BZW2: variants seen among roughly 807,000 people sequenced by gnomAD.
BZW2 encodes eIF5-mimic protein 1.
In BZW2, 23 loss-of-function variants were observed where a neutral mutation model predicts 53.2. The ratio of observed to expected loss-of-function variants is 0.43; its 90% confidence interval spans 0.31 to 0.61. BZW2 has a LOEUF of 0.61. Among genes scored for constraint, BZW2 ranks in the 20% least tolerant of loss-of-function variants. The pLI is 0.09. For missense variants in BZW2, 409 were observed against 503.1 expected (o/e 0.81, Z 1.79); for synonymous variants, 227 against 186.4 (o/e 1.22, Z -1.77).
chr7:16,690,871 G>C (rs1225252994), intron 7 of BZW2, among the ~76,000 whole-genome samples: 1 of 152,094 alleles, frequency 6.6e-6, no homozygotes, highest in Admixed American at 6.5e-5. Flanking sequence ...TCTCCAGGTG[G>C]AATTGCTTTT....
At chr7:16,685,854 C>CT (rs761804682) in intron 5 of BZW2, 51 bp from the exon 6 acceptor site, 567 of 1,415,302 alleles carry the variant, frequency 4.0e-4, no homozygotes, top group East Asian at 7.9e-4. Flanking sequence ...GACATGGTTC[C>CT]TTTTTTTTTC....
intron 5 of BZW2, among the ~76,000 whole-genome samples, chr7:16,685,188 G>A (rs762280375): frequency 4.6e-5 from 7 of 152,160 alleles, no homozygotes; most frequent in African/African-American, 7.2e-5. Context: ...CAGGAAGTGG[G>A]TTTTTCGTTT....
rs530909044 is a variant in BZW2, at chr7:16,681,184, T to G, written c.236-117T>G. ...GTCATTCTTTGAAATTTTATGTGACTCTTAGATTTTACATCTACTTTGATT... is the reference window on the plus strand; with the variant it reads ...GTCATTCTTTGAAATTTTATGTGACGCTTAGATTTTACATCTACTTTGATT... On this transcript the variant is annotated intron_variant, in intron 3 of 11. Transcript: ENST00000258761. 71 of 799,604 alleles carry G rather than the reference T, an allele frequency of 8.9e-5. No individual in the cohort carries two copies. In the African/African-American group the frequency reaches 1.0e-3, roughly 12 times the overall value. The allele number at this position is 799,604 out of a possible 1,614,324, so 49.5% of individuals were successfully genotyped here.
intron 7 of BZW2, among the ~76,000 whole-genome samples, chr7:16,694,459 C>G (rs1053275052): frequency 2.0e-5 from 3 of 151,900 alleles, no homozygotes; most frequent in Non-Finnish European, 4.4e-5. Flanking sequence ...TAGCTCAGGT[C>G]TCCCCTCCTC....
intron 1 of BZW2, among the ~76,000 whole-genome samples, chr7:16,651,767 T>C (rs1010605169): frequency 5.9e-5 from 9 of 152,336 alleles, no homozygotes; most frequent in Admixed American, 5.2e-4. Context: ...TAAAGATAAA[T>C]GCCTTTTCCC....
At chr7:16,652,249 C>G (rs1160418786) in intron 1 of BZW2, among the ~76,000 whole-genome samples, 1 of 151,988 alleles carries the variant, frequency 6.6e-6, no homozygotes, top group Non-Finnish European at 1.5e-5. Context: ...TTGTAAGTTA[C>G]AAAGTAAAAA....
chr7:16,664,090 C>T (rs1009948035), intron 1 of BZW2, among the ~76,000 whole-genome samples: 3 of 152,132 alleles, frequency 2.0e-5, no homozygotes, highest in Non-Finnish European at 2.9e-5. Context: ...ATTCAGCTTG[C>T]TTTTTTCCAC....
chr7:16,695,143 A>T, intron 8 of BZW2, 139 bp downstream of exon 8: 1 of 766,962 alleles, frequency 1.3e-6, no homozygotes, highest in East Asian at 2.9e-5. Flanking sequence ...TACCATTTAA[A>T]TTAACTCAGC....
In BZW2 at chr7:16,696,932, A is replaced by G. The variant is rs1433895510; in HGVS notation, c.840A>G (p.Lys280=). 6.2e-7 allele frequency: 1 copy of G among 1,614,100 alleles called. No homozygotes were observed. The highest frequency in any genetic ancestry group is 1.7e-5 in the Admixed American group (1 of 60,004). Residue 280 remains lysine, a synonymous_variant, in exon 9 of 12, where the codon AAA becomes AAG. Transcript: ENST00000258761. ...CPIKEVVLYV[K]EEMKRNDLPE... ...TAATGTAGGTGGTGCTTTATGTCAA[A>G]GAAGAAATGAAGAGGAATGATCTTC...
chr7:16,680,001 A>G (rs1468612152), intron 3 of BZW2, among the ~76,000 whole-genome samples: 3 of 152,280 alleles, frequency 2.0e-5, no homozygotes, highest in East Asian at 3.9e-4. Context: ...TATTGAGTCC[A>G]TGGGGAAAAA....
intron 6 of BZW2, chr7:16,688,717 A>C (rs1783207152): frequency 6.6e-6 from 1 of 152,228 alleles, no homozygotes; most frequent in Non-Finnish European, 1.5e-5. Context: ...AAATAACCGC[A>C]ACATAAATTT....
intron 1 of BZW2, among the ~76,000 whole-genome samples, chr7:16,664,688 T>C (rs980591772): frequency 1.3e-5 from 2 of 152,246 alleles, no homozygotes; most frequent in African/African-American, 2.4e-5. Flanking sequence ...GCCTAAATTA[T>C]AACTTATTTG....
intron 1 of BZW2, among the ~76,000 whole-genome samples, chr7:16,647,173 A>G (rs1054742607): frequency 2.6e-5 from 4 of 152,172 alleles, no homozygotes; most frequent in Non-Finnish European, 5.9e-5. Flanking sequence ...TCCAGGGTGC[A>G]GATTTATATT....
intron 1 of BZW2, among the ~76,000 whole-genome samples, chr7:16,656,137 C>CTG: frequency 7.1e-6 from 1 of 141,454 alleles, no homozygotes; most frequent in East Asian, 2.2e-4. Flanking sequence ...ATATAAATGA[C>CTG]TATATATATA....
chr7:16,654,514 C>A (rs1782071542), intron 1 of BZW2, among the ~76,000 whole-genome samples: 1 of 139,740 alleles, frequency 7.2e-6, no homozygotes, highest in Non-Finnish European at 1.6e-5. Context: ...ATATAACCCC[C>A]CCCCCCCAAA....
At chr7:16,698,654 G>A (rs527516649) in intron 10 of BZW2, among the ~76,000 whole-genome samples, 1 of 152,192 alleles carries the variant, frequency 6.6e-6, no homozygotes, top group African/African-American at 2.4e-5. Context: ...TGTTTTCCAA[G>A]GGAATGGCTA....
chr7:16,697,184 G>A (rs754517168), intron 9 of BZW2, 123 bp downstream of exon 9: 99 of 1,171,364 alleles, frequency 8.5e-5, no homozygotes, highest in Non-Finnish European at 1.1e-4. Context: ...TGAACTCCTG[G>A]GCTCAAGCCA....
At chr7:16,653,844 A>G (rs1393754102) in intron 1 of BZW2, among the ~76,000 whole-genome samples, 1 of 152,124 alleles carries the variant, frequency 6.6e-6, no homozygotes, top group East Asian at 1.9e-4. Context: ...AAAGATTGGG[A>G]AGAGCACTAC....
intron 1 of BZW2, among the ~76,000 whole-genome samples, chr7:16,660,250 C>G (rs1424065921): frequency 6.6e-6 from 1 of 151,782 alleles, no homozygotes; most frequent in Non-Finnish European, 1.5e-5. Context: ...CTGTCTCTAT[C>G]AAAATATATA....
Sources: allele counts gnomAD v4.1 joint callset (sites outside exome capture counted in the v4.1 genomes callset), GRCh38; gene constraint gnomAD v4.1.1; transcripts MANE v1.5; gene names NCBI Gene and HGNC (gene_info 2026-07-23, HGNC 2026-07-21).